MYBPC1: variants seen among roughly 807,000 people sequenced by gnomAD.
The protein encoded by MYBPC1 is myosin-binding protein C, slow-type.
MYBPC1 carries 52 observed loss-of-function variants against 147.1 expected under a neutral mutation model. The ratio of observed to expected loss-of-function variants is 0.35; its 90% CI spans 0.28 to 0.45. The LOEUF is 0.45. MYBPC1 is among the 20% of genes least tolerant of loss of function. The pLI is 1.00. For missense variants in MYBPC1, 1,228 were observed against 1,440.3 expected (o/e 0.85, Z 2.39); for synonymous variants, 477 against 475.9 (o/e 1.00, Z -0.03).
At chr12:101,614,154 C>T (rs556367548) in intron 1 of MYBPC1, among the ~76,000 whole-genome samples, 1 of 152,148 alleles carries the variant, frequency 6.6e-6, no homozygotes, top group Admixed American at 6.5e-5. Flanking sequence ...CAAGTAAATG[C>T]CCGGCCTGCC....
chr12:101,595,907 G>GA (rs1442435854), intron 1 of MYBPC1, among the ~76,000 whole-genome samples: 1 of 151,946 alleles, frequency 6.6e-6, no homozygotes, highest in Non-Finnish European at 1.5e-5. Context: ...TAGTAGTTAT[G>GA]AAAATAAATA....
intron 31 of MYBPC1, 86 bp from the exon 32 acceptor site, chr12:101,685,496 C>T (rs1951298563): frequency 1.1e-6 from 1 of 896,452 alleles, no homozygotes; most frequent in South Asian, 1.4e-5. Context: ...AGTCACATTT[C>T]CAGGCAGCTA....
At chr12:101,619,710 G>GA (rs1466582039) in intron 3 of MYBPC1, among the ~76,000 whole-genome samples, 1 of 152,176 alleles carries the variant, frequency 6.6e-6, no homozygotes, top group Non-Finnish European at 1.5e-5. Context: ...TAAAGCTACT[G>GA]AAAATGGTCT....
intron 9 of MYBPC1, among the ~76,000 whole-genome samples, chr12:101,636,437 C>T (rs1333758975): frequency 6.6e-6 from 1 of 152,148 alleles, no homozygotes; most frequent in Non-Finnish European, 1.5e-5. Context: ...ATGCAATCTA[C>T]AAAAATGTGT....
intron 25 of MYBPC1, among the ~76,000 whole-genome samples, chr12:101,674,254 T>C (rs1899350966): frequency 6.6e-6 from 1 of 152,196 alleles, no homozygotes; most frequent in African/African-American, 2.4e-5. Context: ...TTATTTCTTA[T>C]GTTGAATTCT....
chr12:101,663,495 GC>G lies in MYBPC1; in HGVS notation c.2297del (p.Pro766GlnfsTer9). The G allele has an allele frequency of 1.9e-6, 3 of 1,613,896 alleles. No individual in the cohort carries two copies. The highest frequency in any genetic ancestry group is 1.3e-5 in the African/African-American group (1 of 74,950). ...VTDTTVTMRW[R>X]PPDHIGAAGL... ...GACACGACTGTCACGATGAGGTGGC[GC>G]CCCCCAGACCACATTGGTGCAGCAG... On this transcript the variant is annotated frameshift_variant, in exon 22 of 32. Transcript: ENST00000361466. LOFTEE classifies it high-confidence loss of function.
At chr12:101,626,506 G>A (rs1181685118) in intron 3 of MYBPC1, among the ~76,000 whole-genome samples, 1 of 152,134 alleles carries the variant, frequency 6.6e-6, no homozygotes. Context: ...AATAAGGTCT[G>A]CCATTCACTT....
intron 5 of MYBPC1, chr12:101,629,212 A>G (rs931229278): frequency 2.2e-5 from 12 of 546,076 alleles, no homozygotes; most frequent in African/African-American, 3.8e-5. Flanking sequence ...TAAGAATTAC[A>G]TAATGTTCAT....
At chr12:101,622,313 A>G (rs1887614366) in intron 3 of MYBPC1, among the ~76,000 whole-genome samples, 1 of 152,194 alleles carries the variant, frequency 6.6e-6, no homozygotes, top group African/African-American at 2.4e-5. Flanking sequence ...ACCATTAAAC[A>G]TTTCAGTCTC....
chr12:101,668,473 A>AT (rs1897905454), intron 23 of MYBPC1, among the ~76,000 whole-genome samples: 1 of 151,320 alleles, frequency 6.6e-6, no homozygotes, highest in Non-Finnish European at 1.5e-5. Flanking sequence ...TCTTTTTTTT[A>AT]TTTTTGAGAT....
chr12:101,629,489 C>T lies in MYBPC1; in HGVS notation c.234C>T (p.Asn78=). Residue 78 remains asparagine (N), a synonymous_variant, in exon 6 of 32, where the codon AAC becomes AAT. Transcript: ENST00000361466. The part of the protein sequence containing the change: ...PGEEQAKQNA[N]SQLSILFIEK... ...AGGAACAAGCCAAGCAGAATGCCAA[C>T]TCCCAGCTGTCCATCTTGTTCATTG... 6.2e-7 allele frequency: 1 copy of T among 1,614,038 alleles called. No homozygotes were observed. Among genetic ancestry groups the T allele is most frequent in the Non-Finnish European group, 8.5e-7 (1 of 1,179,976 alleles).
intron 27 of MYBPC1, among the ~76,000 whole-genome samples, 157 bp from the exon 28 acceptor site, chr12:101,677,945 A>G (rs1291482429): frequency 2.0e-5 from 3 of 152,254 alleles, no homozygotes; most frequent in Non-Finnish European, 4.4e-5. Context: ...CTATACGTTT[A>G]TACCCCTCAG....
intron 5 of MYBPC1, 76 bp downstream of exon 5, chr12:101,627,880 A>G: frequency 6.9e-7 from 1 of 1,446,454 alleles, no homozygotes; most frequent in East Asian, 2.3e-5. Flanking sequence ...TTGAAGCTGT[A>G]TTGATTCTAA....
chr12:101,638,347 T>C (rs1697483), intron 10 of MYBPC1, among the ~76,000 whole-genome samples: 94,915 of 152,030 alleles, frequency 0.62, 30,792 homozygotes, highest in African/African-American at 0.8. Context: ...GGAGGAAAAA[T>C]AGTGGTAAAA....
At chr12:101,596,388 A>G (rs1877253293) in intron 1 of MYBPC1, among the ~76,000 whole-genome samples, 2 of 152,222 alleles carry the variant, frequency 1.3e-5, no homozygotes. Flanking sequence ...AAAGTATCTT[A>G]TTTGTAATGC....
chr12:101,618,668 A>G (rs1322085250), intron 3 of MYBPC1, among the ~76,000 whole-genome samples: 3 of 152,178 alleles, frequency 2.0e-5, no homozygotes, highest in African/African-American at 7.2e-5. Context: ...TGCTTAAATG[A>G]GAAAATGTCT....
chr12:101,650,576 C>G (rs979702672), intron 15 of MYBPC1, among the ~76,000 whole-genome samples: 13 of 152,112 alleles, frequency 8.5e-5, no homozygotes, highest in Admixed American at 3.9e-4. Flanking sequence ...AGGGGGGTAA[C>G]CGCCCCCATG....
intron 3 of MYBPC1, among the ~76,000 whole-genome samples, chr12:101,622,793 T>C (rs1887731706): frequency 2.0e-5 from 3 of 152,076 alleles, no homozygotes; most frequent in African/African-American, 7.2e-5. Context: ...TTTGCTCATG[T>C]TGATTATGTT....
At chr12:101,646,461 T>C (rs907615058) in intron 12 of MYBPC1, among the ~76,000 whole-genome samples, 11 of 152,038 alleles carry the variant, frequency 7.2e-5, no homozygotes, top group African/African-American at 1.9e-4. Flanking sequence ...CTGGGCAAGA[T>C]GGTGAGACTC....
Sources: gnomAD v4.1 joint callset for allele counts (sites outside exome capture counted in the v4.1 genomes callset) on GRCh38, gnomAD v4.1.1 for gene constraint, MANE v1.5 for transcripts, NCBI Gene and HGNC (gene_info 2026-07-23, HGNC 2026-07-21) for gene names.